The following AP3S1 variants were observed in gnomAD, a reference collection of about 807,000 sequenced individuals.
AP3S1 encodes the protein adaptor related protein complex 3 subunit sigma 1.
A neutral mutation model predicts 21.3 loss-of-function variants in AP3S1; 12 were observed. The ratio of observed to expected loss-of-function variants is 0.56; its 90% confidence interval spans 0.36 to 0.91. The LOEUF is 0.91. AP3S1 is among the 40% of genes least tolerant of loss of function. AP3S1 has a pLI of 0.01. For missense variants in AP3S1, 116 were observed against 225.0 expected, an observed-to-expected ratio of 0.52 and a Z score of 3.10; for synonymous variants, 48 against 78.4, an observed-to-expected ratio of 0.61 and a Z score of 2.05.
intron 5 of AP3S1, among the ~76,000 whole-genome samples, chr5:115,905,042 A>G (rs1751526686): frequency 6.6e-6 from 1 of 152,142 alleles, no homozygotes; most frequent in South Asian, 2.1e-4. Context: ...CTGGTGTTCC[A>G]TTATTGGAAT....
At chr5:115,885,677 C>G (rs1250499185) in intron 3 of AP3S1, among the ~76,000 whole-genome samples, 1 of 152,180 alleles carries the variant, frequency 6.6e-6, no homozygotes, top group African/African-American at 2.4e-5. Context: ...AAAGACACAC[C>G]CAGAAACAAT....
intron 3 of AP3S1, among the ~76,000 whole-genome samples, chr5:115,877,836 G>C (rs552554456): frequency 1.3e-5 from 2 of 152,210 alleles, no homozygotes; most frequent in Non-Finnish European, 2.9e-5. Context: ...AAGCGTTCCT[G>C]TTTCTTCACA....
chr5:115,894,959 A>G (rs1310788550), intron 3 of AP3S1, 128 bp from the exon 4 acceptor site: 11 of 598,720 alleles, frequency 1.8e-5, no homozygotes, highest in African/African-American at 5.8e-5. Flanking sequence ...CATTAATACA[A>G]TTTTTAGTTT....
chr5:115,856,775 C>T lies in AP3S1; in HGVS notation c.70-9895C>T, dbSNP rs536994257. On this transcript the variant is annotated intron_variant, in intron 1 of 5. Transcript: ENST00000316788. ...AAACGTGAGCCACTGCACCTAGCAA[C>T]GTATCTATAATCTCACCAACTTATT... Among the ~76,000 whole-genome samples, 135 of 152,246 alleles carry T rather than the reference C, an allele frequency of 8.9e-4. 1 individual carries two copies. The highest frequency in any genetic ancestry group is 1.4e-3 in the Non-Finnish European group (95 of 68,016).
At chr5:115,882,913 C>T (rs1749434973) in intron 3 of AP3S1, among the ~76,000 whole-genome samples, 1 of 152,114 alleles carries the variant, frequency 6.6e-6, no homozygotes, top group Non-Finnish European at 1.5e-5. Flanking sequence ...GAGGAGTAAT[C>T]TAGAGAGGCA....
At chr5:115,909,984 C>T (rs1751965817) in intron 5 of AP3S1, among the ~76,000 whole-genome samples, 1 of 152,086 alleles carries the variant, frequency 6.6e-6, no homozygotes, top group Non-Finnish European at 1.5e-5. Context: ...TCATGTGAGG[C>T]CAGGTGCACT....
intron 1 of AP3S1, among the ~76,000 whole-genome samples, chr5:115,866,331 T>G (rs754608123): frequency 1.3e-5 from 2 of 152,248 alleles, no homozygotes; most frequent in Non-Finnish European, 2.9e-5. Flanking sequence ...CTGATTCAGT[T>G]TACTCATTTG....
At position 115,846,169 on chromosome 5, in the gene AP3S1, T is replaced by A. The variant is rs376046994; in HGVS notation, c.69+4063T>A. On this transcript the variant is annotated intron_variant, in intron 1 of 5. Coordinates refer to ENST00000316788, the MANE Select transcript of AP3S1 (RefSeq NM_001284.4). ...TAGTGTATCCTCTGGTGAATTACTT[T>A]TAAAAAATTTTTCTTTTTTTATAGA... 1.8e-4 allele frequency among the ~76,000 whole-genome samples: 28 copies of A among 152,316 alleles called. No homozygotes were observed. The South Asian group carries it at 5.6e-3, about 30-fold the overall frequency.
chr5:115,860,384 T>C (rs1013802105), intron 1 of AP3S1, among the ~76,000 whole-genome samples: 1 of 152,238 alleles, frequency 6.6e-6, no homozygotes, highest in Non-Finnish European at 1.5e-5. Flanking sequence ...TTGTCATTTT[T>C]TGGTGGGCCG....
At chr5:115,845,241 GA>G (rs2112761042) in intron 1 of AP3S1, among the ~76,000 whole-genome samples, 1 of 152,270 alleles carries the variant, frequency 6.6e-6, no homozygotes, top group East Asian at 1.9e-4. Flanking sequence ...ATACTGGCAG[GA>G]TGCTGAGGTT....
intron 3 of AP3S1, among the ~76,000 whole-genome samples, chr5:115,876,048 G>A (rs919682505): frequency 4.6e-5 from 7 of 152,188 alleles, no homozygotes; most frequent in South Asian, 4.1e-4. Flanking sequence ...GCATCATGGC[G>A]TCAGGTTTAG....
intron 5 of AP3S1, among the ~76,000 whole-genome samples, chr5:115,909,467 AATTT>A (rs1160163117): frequency 6.6e-6 from 1 of 152,040 alleles, no homozygotes; most frequent in African/African-American, 2.4e-5. Flanking sequence ...TAATTCTGTT[AATTT>A]ATTTAATCTC....
At chr5:115,881,821 C>T (rs138615299) in intron 3 of AP3S1, among the ~76,000 whole-genome samples, 4,599 of 152,206 alleles carry the variant, frequency 0.03, 251 homozygotes, top group African/African-American at 0.11. Flanking sequence ...TTCTCCCTGT[C>T]ACTTTCAGGT....
At chr5:115,847,685 C>T (rs767752353) in intron 1 of AP3S1, among the ~76,000 whole-genome samples, 3 of 152,060 alleles carry the variant, frequency 2.0e-5, no homozygotes, top group African/African-American at 4.8e-5. Context: ...ATATATTTAC[C>T]GTGTACATGT....
chr5:115,907,957 A>G (rs1371353368), intron 5 of AP3S1, among the ~76,000 whole-genome samples: 1 of 152,186 alleles, frequency 6.6e-6, no homozygotes, highest in Admixed American at 6.6e-5. Flanking sequence ...AAAAATGTAT[A>G]AACTTACGAA....
At chr5:115,859,884 AT>A (rs1763050178) in intron 1 of AP3S1, among the ~76,000 whole-genome samples, 1 of 152,132 alleles carries the variant, frequency 6.6e-6, no homozygotes, top group South Asian at 2.1e-4. Flanking sequence ...CATTTACCTA[AT>A]CCCCATGTTT....
At chr5:115,853,871 G>T (rs1185202966) in intron 1 of AP3S1, among the ~76,000 whole-genome samples, 3 of 152,096 alleles carry the variant, frequency 2.0e-5, no homozygotes, top group Non-Finnish European at 4.4e-5. Flanking sequence ...TGTTATTTCA[G>T]TAATAGAGTG....
At chr5:115,886,503 TTTC>T (rs1230753503) in intron 3 of AP3S1, among the ~76,000 whole-genome samples, 21 of 152,212 alleles carry the variant, frequency 1.4e-4, no homozygotes, top group Non-Finnish European at 7.3e-5. Flanking sequence ...TCCTTATGAT[TTTC>T]TTAATAACAT....
intron 5 of AP3S1, among the ~76,000 whole-genome samples, chr5:115,905,187 A>G (rs1751544431): frequency 1.3e-5 from 2 of 152,248 alleles, no homozygotes; most frequent in South Asian, 2.1e-4. Context: ...TGAAGGACCT[A>G]TAATTATTGC....
Sources: allele counts gnomAD v4.1 joint callset (sites outside exome capture counted in the v4.1 genomes callset), GRCh38; gene constraint gnomAD v4.1.1; transcripts MANE v1.5; gene names NCBI Gene and HGNC (gene_info 2026-07-23, HGNC 2026-07-21).